The following NEO1 variants were observed in gnomAD, a reference collection of about 807,000 sequenced individuals.
The protein encoded by NEO1 is neogenin 1, also known as neogenin.
In NEO1, 63 loss-of-function variants were observed where a neutral mutation model predicts 159.7. The observed-to-expected ratio is 0.39, with a 90% CI of 0.32 to 0.49. The LOEUF is 0.49. NEO1 is among the 20% of genes least tolerant of loss of function. The probability of loss-of-function intolerance (pLI) is 0.85; values close to 1 mark genes in which losing one functional copy is unlikely to be tolerated. For synonymous variants in NEO1, 633 were observed against 662.0 expected, an observed-to-expected ratio of 0.96 and a Z score of 0.67; for missense variants, 1,615 against 1,831.0, an observed-to-expected ratio of 0.88 and a Z score of 2.15.
chr15:73,135,549 A>G (rs1418348937), intron 4 of NEO1, among the ~76,000 whole-genome samples: 1 of 152,206 alleles, frequency 6.6e-6, no homozygotes, highest in Non-Finnish European at 1.5e-5. Flanking sequence ...CTTCAAAATT[A>G]CATAATTTGG....
intron 7 of NEO1, among the ~76,000 whole-genome samples, chr15:73,227,559 T>G (rs1296288763): frequency 6.6e-6 from 1 of 152,136 alleles, no homozygotes; most frequent in African/African-American, 2.4e-5. Context: ...CACGGAACAA[T>G]TCAATTTCTG....
intron 2 of NEO1, among the ~76,000 whole-genome samples, chr15:73,122,079 A>G (rs1209824602): frequency 9.8e-4 from 112 of 114,328 alleles, no homozygotes; most frequent in South Asian, 5.9e-3. Flanking sequence ...ATATATATAT[A>G]TATATATATA....
chr15:73,083,750 G>T (rs1254316990), intron 1 of NEO1, among the ~76,000 whole-genome samples: 2 of 151,942 alleles, frequency 1.3e-5, no homozygotes, highest in Non-Finnish European at 2.9e-5. Flanking sequence ...CTTATTACTA[G>T]CTGTATGGCC....
At chr15:73,205,178 T>C (rs1320440118) in intron 7 of NEO1, among the ~76,000 whole-genome samples, 1 of 152,224 alleles carries the variant, frequency 6.6e-6, no homozygotes, top group Non-Finnish European at 1.5e-5. Flanking sequence ...GCTTGTCTTA[T>C]GGTTGTGACC....
intron 1 of NEO1, among the ~76,000 whole-genome samples, chr15:73,083,289 A>T (rs2069168940): frequency 6.6e-6 from 1 of 152,088 alleles, no homozygotes; most frequent in African/African-American, 2.4e-5. Context: ...GCGTGATGAG[A>T]GGCTGCCATA....
chr15:73,070,824 C>G (rs1200003974), intron 1 of NEO1, among the ~76,000 whole-genome samples: 1 of 152,168 alleles, frequency 6.6e-6, no homozygotes, highest in Non-Finnish European at 1.5e-5. Flanking sequence ...TCATGGTTGA[C>G]TATGGGTAAC....
intron 27 of NEO1, among the ~76,000 whole-genome samples, chr15:73,299,507 T>A (rs1044478819): frequency 1.3e-5 from 2 of 151,996 alleles, no homozygotes; most frequent in Non-Finnish European, 2.9e-5. Context: ...TGCCTTAGCC[T>A]CCCAAGCAGC....
intron 2 of NEO1, among the ~76,000 whole-genome samples, chr15:73,119,910 G>A (rs2151635835): frequency 6.6e-6 from 1 of 152,306 alleles, no homozygotes; most frequent in Admixed American, 6.5e-5. Context: ...GCCAAGACGG[G>A]CGGATCACCT....
chr15:73,098,535 A>C (rs2070215627), intron 1 of NEO1, among the ~76,000 whole-genome samples: 1 of 152,106 alleles, frequency 6.6e-6, no homozygotes, highest in African/African-American at 2.4e-5. Flanking sequence ...ACTTGTTTTC[A>C]CTTAATTTGT....
chr15:73,160,263 A>G (rs756303475), intron 5 of NEO1, among the ~76,000 whole-genome samples: 22 of 152,220 alleles, frequency 1.4e-4, no homozygotes, highest in Non-Finnish European at 2.5e-4. Flanking sequence ...CTGTGATCCC[A>G]GAATGTGGGG....
chr15:73,082,489 A>C (rs1007388167), intron 1 of NEO1, among the ~76,000 whole-genome samples: 3 of 151,954 alleles, frequency 2.0e-5, no homozygotes, highest in Non-Finnish European at 2.9e-5. Flanking sequence ...CTAAAATTTC[A>C]ATGTGGATAG....
intron 1 of NEO1, among the ~76,000 whole-genome samples, chr15:73,076,647 A>G (rs2068781461): frequency 6.6e-6 from 1 of 151,444 alleles, no homozygotes. Context: ...TGTATTTCCA[A>G]CTCCCCCAAC....
intron 19 of NEO1, among the ~76,000 whole-genome samples, chr15:73,273,012 TC>T (rs2041244353): frequency 6.6e-6 from 1 of 150,572 alleles, no homozygotes; most frequent in South Asian, 2.1e-4. Context: ...TAATTCCTTT[TC>T]ACTGCCCCCC....
chr15:73,171,434 C>T (rs1400678356), intron 5 of NEO1, among the ~76,000 whole-genome samples: 1 of 151,490 alleles, frequency 6.6e-6, no homozygotes, highest in Non-Finnish European at 1.5e-5. Flanking sequence ...TGTGGTGGTG[C>T]GTTCCTGTAG....
At chr15:73,209,303 A>G (rs919762288) in intron 7 of NEO1, among the ~76,000 whole-genome samples, 1 of 152,230 alleles carries the variant, frequency 6.6e-6, no homozygotes, top group African/African-American at 2.4e-5. Context: ...GCTCCTTTAC[A>G]TGACAGATTA....
intron 1 of NEO1, among the ~76,000 whole-genome samples, chr15:73,077,226 T>C (rs1360473196): frequency 1.3e-5 from 2 of 152,098 alleles, no homozygotes; most frequent in African/African-American, 4.8e-5. Context: ...GTATTTCTAG[T>C]AGAGATGGGG....
chr15:73,068,980 G>C (rs1467120011), intron 1 of NEO1, among the ~76,000 whole-genome samples: 5 of 148,906 alleles, frequency 3.4e-5, no homozygotes. Flanking sequence ...TTGGAGACAG[G>C]GTCTCACTCT....
chr15:73,271,689 C>T (rs986116606), intron 18 of NEO1, among the ~76,000 whole-genome samples: 1 of 152,094 alleles, frequency 6.6e-6, no homozygotes, highest in Non-Finnish European at 1.5e-5. Flanking sequence ...GGCGGATCAC[C>T]TGAGGCCAAG....
chr15:73,192,776 G>A (rs2899784), intron 7 of NEO1, among the ~76,000 whole-genome samples: 54,145 of 151,710 alleles, frequency 0.36, 10,515 homozygotes, highest in Admixed American at 0.47. Flanking sequence ...ATAAATGTCT[G>A]TGTCCTTGTA....
Sources: allele counts gnomAD v4.1 joint callset (sites outside exome capture counted in the v4.1 genomes callset), GRCh38; gene constraint gnomAD v4.1.1; transcripts MANE v1.5; gene names NCBI Gene and HGNC (gene_info 2026-07-23, HGNC 2026-07-21).